The following MDH2 variants were observed in gnomAD, a reference collection of about 807,000 sequenced individuals.
MDH2 encodes malate dehydrogenase 2, also known as malate dehydrogenase, mitochondrial.
MDH2 carries 25 observed loss-of-function variants against 33.6 expected under a neutral mutation model. The observed-to-expected ratio is 0.74, with a 90% CI of 0.54 to 1.04. The LOEUF is 1.04. Among genes scored for constraint, MDH2 ranks in the 50% least tolerant of loss-of-function variants. The pLI is 0.00. For missense variants in MDH2, 432 were observed against 445.0 expected (o/e 0.97, Z 0.26); for synonymous variants, 193 against 188.7 (o/e 1.02, Z -0.19).
chr7:76,058,139 T>C (rs1585406082), intron 4 of MDH2, 61 bp downstream of exon 4: 1 of 1,459,720 alleles, frequency 6.9e-7, no homozygotes. Flanking sequence ...TGACAGTGCG[T>C]GAAAAGCTCA....
chr7:76,056,569 A>G (rs1018853029), intron 2 of MDH2, among the ~76,000 whole-genome samples: 5 of 152,252 alleles, frequency 3.3e-5, no homozygotes, highest in African/African-American at 4.8e-5. Flanking sequence ...GAAAAAGTCA[A>G]GATCGAAGCA....
intron 1 of MDH2, chr7:76,048,697 C>T (rs1365213321): frequency 1.6e-6 from 2 of 1,240,976 alleles, no homozygotes; most frequent in Non-Finnish European, 2.0e-6. Flanking sequence ...AGAACTGGGC[C>T]AGGGTTACAG....
chr7:76,060,451 A>C lies in MDH2; in HGVS notation c.508A>C (p.Thr170Pro), dbSNP rs1797914252. The part of the protein sequence containing the change: ...VYNPNKIFGV[T>P]TLDIVRANTF... ...CAACCCCAACAAAATCTTCGGCGTG[A>C]CGACCCTGGACATCGTCAGAGCCAA... Residue 170 changes from threonine (T) to proline (P), a missense_variant, in exon 5 of 9, where the codon ACG becomes CCG. Coordinates refer to ENST00000315758, the MANE Select transcript of MDH2 (RefSeq NM_005918.4). 5.0e-6 allele frequency: 8 copies of C among 1,614,022 alleles called. No individual in the cohort carries two copies. Among genetic ancestry groups the C allele is most frequent in the African/African-American group, 1.3e-5 (1 of 74,900 alleles).
At chr7:76,060,565 C>G in intron 5 of MDH2, 67 bp downstream of exon 5, 1 of 1,590,748 alleles carries the variant, frequency 6.3e-7, no homozygotes. Context: ...TGCTCATTTA[C>G]GGGCGTGGAA....
rs1554586515 is a variant in MDH2 at position 76,058,009 on chromosome 7, T to G, written c.360T>G (p.Ile120Met). ...ACCTGTTCAACACCAATGCCACGAT[T>G]GTGGCCACCCTGACCGCTGCCTGTG... ...RDDLFNTNAT[I>M]VATLTAACAQ... Residue 120 changes from isoleucine (I) to methionine (M), a missense_variant, in exon 4 of 9, where the codon ATT becomes ATG. By Grantham distance (10) the Ile-to-Met change is conservative (BLOSUM62 1). Transcript: ENST00000315758. 2 of 1,614,096 alleles carry G rather than the reference T, an allele frequency of 1.2e-6. No homozygotes were observed. Among genetic ancestry groups the G allele is most frequent in the Admixed American group, 1.7e-5 (1 of 60,026 alleles).
At chr7:76,058,233 C>G (rs1216091780) in intron 4 of MDH2, 155 bp downstream of exon 4, 3 of 668,552 alleles carry the variant, frequency 4.5e-6, no homozygotes, top group South Asian at 1.8e-5. Flanking sequence ...GTCGGGTGCA[C>G]TAAGCAGAGG....
intron 1 of MDH2, among the ~76,000 whole-genome samples, chr7:76,054,162 T>C (rs908968535): frequency 6.6e-6 from 1 of 152,104 alleles, no homozygotes; most frequent in Non-Finnish European, 1.5e-5. Flanking sequence ...GGAGAACCAG[T>C]GTGAGATACT....
rs550601370 is a variant in MDH2 at position 76,048,542 on chromosome 7, G to A, written c.66+316G>A. The A allele has an allele frequency of 6.3e-5, 83 of 1,315,336 alleles. No individual in the cohort carries two copies. The African/African-American group carries it at 1.1e-3, about 18-fold the overall frequency. 81.5% of individuals were successfully genotyped at this position (1,315,336 alleles called of 1,614,324 possible). ...TTCAAGGTTGGGAAACCAGGGCTCT[G>A]CATCTGAAAGTAAACTTACGTTTTT... On this transcript the variant is annotated intron_variant, in intron 1 of 8. Coordinates refer to ENST00000315758, the MANE Select transcript of MDH2 (RefSeq NM_005918.4).
chr7:76,066,583 T>TG lies in MDH2; in HGVS notation c.*174dup. 1 of 763,884 alleles carries TG rather than the reference T, an allele frequency of 1.3e-6. No homozygotes were observed. Among genetic ancestry groups the TG allele is most frequent in the Non-Finnish European group, 1.9e-6 (1 of 527,060 alleles). The allele number at this position is 763,884 out of a possible 1,614,324, so 47.3% of individuals were successfully genotyped here. On this transcript the variant is annotated 3_prime_UTR_variant, in exon 9 of 9. Transcript: ENST00000315758. Reference sequence around the variant, plus strand: ...TGGGCGCATCAATAAAAGCCGTCCTTGATTTTATTTTTCAAGGTCCCTTCT... The same window carrying TG: ...TGGGCGCATCAATAAAAGCCGTCCTTGGATTTTATTTTTCAAGGTCCCTTCT...
At chr7:76,049,002 G>A in intron 1 of MDH2, 2 of 771,206 alleles carry the variant, frequency 2.6e-6, no homozygotes, top group Non-Finnish European at 3.1e-6. Flanking sequence ...GGGGGGGTCC[G>A]CATTTTTACC....
At chr7:76,051,174 C>T (rs1488297693) in intron 1 of MDH2, among the ~76,000 whole-genome samples, 2 of 152,224 alleles carry the variant, frequency 1.3e-5, no homozygotes, top group East Asian at 3.9e-4. Context: ...CGTGAGCCAC[C>T]ACACCCGGCC....
At chr7:76,064,663 G>C (rs1414687314) in intron 7 of MDH2, 139 bp from the exon 8 acceptor site, 4 of 1,042,110 alleles carry the variant, frequency 3.8e-6, no homozygotes, top group Non-Finnish European at 4.1e-6. Flanking sequence ...TCATGTATAA[G>C]TAACAAGAAA....
chr7:76,064,973 T>C lies in MDH2; in HGVS notation c.885+20T>C, dbSNP rs782565817. ...CTTGGGGTACGTATCCAGGCGTGGG[T>C]CCTTCTGACTGTGGAATAAGGGGGC... is the stretch of plus-strand genomic sequence containing the variant. On this transcript the variant is annotated intron_variant, in intron 8 of 8. Transcript: ENST00000315758. 2 of 1,613,668 alleles carry C rather than the reference T, an allele frequency of 1.2e-6. No homozygotes were observed. The highest frequency in any genetic ancestry group is 4.5e-5 in the East Asian group (2 of 44,852).
chr7:76,064,703 C>T, intron 7 of MDH2, 99 bp from the exon 8 acceptor site: 1 of 1,347,744 alleles, frequency 7.4e-7, no homozygotes, highest in Non-Finnish European at 1.0e-6. Flanking sequence ...TCTCCACTGT[C>T]AGGCTGGAAG....
At chr7:76,048,278 C>A (rs1439218690) in intron 1 of MDH2, 52 bp downstream of exon 1, 3 of 1,512,840 alleles carry the variant, frequency 2.0e-6, no homozygotes, top group Non-Finnish European at 2.6e-6. Context: ...GCCCGGGCCA[C>A]GTGCGTCCCC....
At chr7:76,061,052 G>A (rs1013998911) in intron 5 of MDH2, among the ~76,000 whole-genome samples, 3 of 152,114 alleles carry the variant, frequency 2.0e-5, no homozygotes, top group African/African-American at 7.2e-5. Context: ...GCCGCTGGAC[G>A]GAGACTGAGC....
In MDH2 at chr7:76,052,102, T is replaced by C. The variant is rs566732929; in HGVS notation, c.67-2728T>C. On this transcript the variant is annotated intron_variant, in intron 1 of 8. Coordinates refer to ENST00000315758, the MANE Select transcript of MDH2 (RefSeq NM_005918.4). Reference sequence around the variant, plus strand: ...CCTCCCCCATGTTGTGTTCACCTTATGTACACATGGGACCCATCCATTTAA... The same window carrying C: ...CCTCCCCCATGTTGTGTTCACCTTACGTACACATGGGACCCATCCATTTAA... Among the ~76,000 whole-genome samples, 5 of 152,246 alleles carry C rather than the reference T, an allele frequency of 3.3e-5. No individual in the cohort carries two copies. In the East Asian group the frequency reaches 7.7e-4, roughly 23 times the overall value.
Position 76,048,112 on chromosome 7 carries a change from C to A in MDH2, c.-49C>A, listed in dbSNP as rs10231092. The A allele has an allele frequency of 6.5e-7, 1 of 1,536,492 alleles. No homozygotes were observed. The highest frequency in any genetic ancestry group is 1.2e-5 in the South Asian group (1 of 84,040). On this transcript the variant is annotated 5_prime_UTR_variant, in exon 1 of 9. Coordinates refer to ENST00000315758, the MANE Select transcript of MDH2 (RefSeq NM_005918.4). ...TGTGGAGGTCGTTGGAGTCACTTCC[C>A]CGTCACCAGCTCCTGTGCCTGCCAG...
At chr7:76,048,654 C>T (rs1318979242) in intron 1 of MDH2, 1 of 1,263,572 alleles carries the variant, frequency 7.9e-7, no homozygotes, top group East Asian at 3.1e-5. Context: ...TCGTATACTT[C>T]CTAATTCCAT....
Sources: gnomAD v4.1 joint callset for allele counts (sites outside exome capture counted in the v4.1 genomes callset) on GRCh38, gnomAD v4.1.1 for gene constraint, MANE v1.5 for transcripts, NCBI Gene and HGNC (gene_info 2026-07-23, HGNC 2026-07-21) for gene names.